The following CPM variants were observed in gnomAD, a reference collection of about 807,000 sequenced individuals.
CPM encodes the protein renal carboxypeptidase.
In CPM, 35 loss-of-function variants were observed where a neutral mutation model predicts 46.4. That is an observed-to-expected ratio of 0.75 (90% confidence interval 0.58 to 1.00). The LOEUF (loss-of-function observed/expected upper bound fraction) is 1.00. Ranked by LOEUF, CPM falls within the 50% of genes least tolerant of loss-of-function variation. The pLI is 0.00. For synonymous variants in CPM, 195 were observed against 195.3 expected (o/e 1.00, Z 0.01); for missense variants, 422 against 530.4 (o/e 0.80, Z 2.01).
Position 68,939,450 on chromosome 12 carries a change from A to G in CPM, c.-3-6610T>C, listed in dbSNP as rs532952075. Among the ~76,000 whole-genome samples, 17 of 151,502 alleles carry G rather than the reference A, an allele frequency of 1.1e-4. No individual in the cohort carries two copies. The South Asian group carries it at 3.5e-3, about 31-fold the overall frequency. ...ATTCTACATTATTGCTAAATTAGAT[A>G]TAAATCTGATTAATGTCTTACAGGG... On this transcript the variant is annotated intron_variant, in intron 1 of 8. Coordinates refer to the CPM transcript ENST00000546373.
chr12:68,870,714 G>T (rs562184287), intron 4 of CPM, among the ~76,000 whole-genome samples: 2 of 152,346 alleles, frequency 1.3e-5, no homozygotes, highest in South Asian at 2.1e-4. Context: ...TGGTCGCCAC[G>T]TGGAGAGTCC....
intron 2 of CPM, among the ~76,000 whole-genome samples, chr12:68,892,897 A>G (rs981570207): frequency 4.6e-5 from 7 of 152,114 alleles, no homozygotes; most frequent in Admixed American, 2.0e-4. Context: ...GTTCTCACTC[A>G]TAAGTGGGAG....
intron 1 of CPM, among the ~76,000 whole-genome samples, chr12:68,945,369 T>A (rs1001074002): frequency 6.6e-6 from 1 of 152,204 alleles, no homozygotes; most frequent in Non-Finnish European, 1.5e-5. Flanking sequence ...GTCAGTCAAG[T>A]TAGACTTTTC....
At chr12:68,929,063 G>C (rs1888393834) in intron 2 of CPM, among the ~76,000 whole-genome samples, 1 of 151,836 alleles carries the variant, frequency 6.6e-6, no homozygotes, top group African/African-American at 2.4e-5. Flanking sequence ...GGCCCTTTGG[G>C]GTTTTGTATG....
chr12:68,923,510 C>T lies in CPM; in HGVS notation c.160+9168G>A, dbSNP rs118053144. 8.8e-3 allele frequency among the ~76,000 whole-genome samples: 1,344 copies of T among 152,260 alleles called. 12 individuals are homozygous for T. Among genetic ancestry groups the T allele is most frequent in the South Asian group, 0.034 (163 of 4,824 alleles). The stretch of plus-strand genomic sequence containing the variant: ...GCTTTTACACCAATAGTTCTTAACT[C>T]TATCAGATGATGCCTCTTGCTTTCA... On this transcript the variant is annotated intron_variant, in intron 2 of 8. Transcript: ENST00000551568.
chr12:68,899,643 G>A (rs1327114026), intron 2 of CPM, among the ~76,000 whole-genome samples: 1 of 152,178 alleles, frequency 6.6e-6, no homozygotes, highest in Non-Finnish European at 1.5e-5. Flanking sequence ...CATAAAATTG[G>A]TTCAATATGA....
intron 2 of CPM, among the ~76,000 whole-genome samples, chr12:68,912,230 C>T (rs1301481297): frequency 1.3e-5 from 2 of 152,158 alleles, no homozygotes; most frequent in Non-Finnish European, 2.9e-5. Flanking sequence ...TGGTCGAACT[C>T]CTGACCTCAG....
At chr12:68,945,846 C>CTTTTTTT (rs1170064808) in intron 1 of CPM, among the ~76,000 whole-genome samples, 116 of 88,474 alleles carry the variant, frequency 1.3e-3, no homozygotes, top group Non-Finnish European at 1.6e-3. Context: ...TTCTTTCTTT[C>CTTTTTTT]TTTTTTTTTT....
intron 3 of CPM, among the ~76,000 whole-genome samples, chr12:68,880,116 G>T (rs1045794702): frequency 2.9e-4 from 40 of 139,478 alleles, no homozygotes; most frequent in African/African-American, 1.0e-3. Context: ...AAAAAAAAAA[G>T]ATTCAACTGT....
chr12:68,846,506 CT>C (rs1884308862), downstream of CPM: 1 of 152,194 alleles, frequency 6.6e-6, no homozygotes, highest in Non-Finnish European at 1.5e-5. Flanking sequence ...CCCCAGCCCA[CT>C]GTCCTGTATT....
intron 1 of CPM, among the ~76,000 whole-genome samples, chr12:68,950,141 G>A (rs1888911574): frequency 6.6e-6 from 1 of 152,046 alleles, no homozygotes; most frequent in Non-Finnish European, 1.5e-5. Flanking sequence ...TTCCTCAGAG[G>A]GAAATTAAGG....
downstream of CPM, chr12:68,847,209 T>TATATATATATATATATAC (rs1555190258): frequency 7.3e-6 from 1 of 137,084 alleles, no homozygotes; most frequent in African/African-American, 2.9e-5. Flanking sequence ...TATATATATA[T>TATATATATATATATATAC]ATACTTTTTT....
intron 2 of CPM, among the ~76,000 whole-genome samples, chr12:68,908,576 A>G (rs956831477): frequency 2.6e-5 from 4 of 152,160 alleles, no homozygotes; most frequent in Admixed American, 2.0e-4. Context: ...TCAAAAATAT[A>G]TATTGTCAGA....
At chr12:68,930,878 C>T (rs1437785070) in intron 2 of CPM, among the ~76,000 whole-genome samples, 1 of 152,206 alleles carries the variant, frequency 6.6e-6, no homozygotes, top group Non-Finnish European at 1.5e-5. Context: ...TTAAAATTAA[C>T]AACATCCTCA....
Position 68,938,909 on chromosome 12 carries a change from GTA to G in CPM, c.-3-6071_-3-6070del, listed in dbSNP as rs1448747565. 1.6e-4 allele frequency among the ~76,000 whole-genome samples: 24 copies of G among 147,506 alleles called. 1 individual carries two copies. Among genetic ancestry groups the G allele is most frequent in the Admixed American group, 1.6e-3 (23 of 14,688 alleles). ...TTTATATATGTACATACATATATAT[GTA>G]TATGTGTATATGCATATATGTATAA... On this transcript the variant is annotated intron_variant, in intron 1 of 8. Coordinates refer to the CPM transcript ENST00000546373.
Position 68,932,669 on chromosome 12 carries a change from G to T in CPM, c.160+9C>A. The T allele has an allele frequency of 6.2e-7, 1 of 1,613,540 alleles. No homozygotes were observed. The highest frequency in any genetic ancestry group is 8.5e-7 in the Non-Finnish European group (1 of 1,179,588). ...GGGTTTGGCAAAGTGTTCACGAGAC[G>T]GACCCTACCTTTCACAGATTTCCCA... is the stretch of plus-strand genomic sequence containing the variant. On this transcript the variant is annotated intron_variant, in intron 2 of 8. Coordinates refer to ENST00000551568, the MANE Select transcript of CPM (RefSeq NM_198320.5).
chr12:68,855,137 G>A lies in CPM; in HGVS notation c.*1300C>T, dbSNP rs753951412. ...GGCCTCCCAAAATGCTGGGATTACA[G>A]GCATGAGCCACCATGCCTGGCCAAC... On this transcript the variant is annotated 3_prime_UTR_variant, in exon 9 of 9. Coordinates refer to ENST00000551568, the MANE Select transcript of CPM (RefSeq NM_198320.5). 7 of 152,244 alleles carry A rather than the reference G, an allele frequency of 4.6e-5. No individual in the cohort carries two copies. Among genetic ancestry groups the A allele is most frequent in the African/African-American group, 1.7e-4 (7 of 41,378 alleles). The allele number at this position is 152,244 out of a possible 1,614,324, so 9.4% of individuals were successfully genotyped here. A position where few individuals can be genotyped will look rare whatever the true frequency, so the allele number is the denominator to read the frequency against.
chr12:68,843,270 A>C (rs1040925358), intron 5 of CPM: 1 of 227,926 alleles, frequency 4.4e-6, no homozygotes, highest in Non-Finnish European at 8.7e-6. Flanking sequence ...CAAAGGTAAA[A>C]GTACTAATCC....
At chr12:68,865,312 A>C (rs1885387630) in intron 7 of CPM, among the ~76,000 whole-genome samples, 1 of 152,220 alleles carries the variant, frequency 6.6e-6, no homozygotes, top group Admixed American at 6.5e-5. Flanking sequence ...TGAACGACTC[A>C]GCCAGTTAGA....
Sources: allele counts gnomAD v4.1 joint callset (sites outside exome capture counted in the v4.1 genomes callset), GRCh38; gene constraint gnomAD v4.1.1; transcripts MANE v1.5; gene names NCBI Gene and HGNC (gene_info 2026-07-23, HGNC 2026-07-21).